TAMM41: variants seen among roughly 807,000 people sequenced by gnomAD.
TAMM41 encodes the protein TAM41 mitochondrial translocator assembly and maintenance homolog.
A neutral mutation model predicts 44.1 loss-of-function variants in TAMM41; 36 were observed. The observed-to-expected ratio is 0.82, with a 90% confidence interval of 0.63 to 1.08. TAMM41 has a LOEUF of 1.08. Among genes scored for constraint, TAMM41 ranks in the 50% least tolerant of loss-of-function variants. The pLI is 0.00. For synonymous variants in TAMM41, 164 were observed against 153.1 expected (o/e 1.07, Z -0.53); for missense variants, 417 against 404.3 (o/e 1.03, Z -0.27).
the TAMM41 span, among the ~76,000 whole-genome samples, chr3:11,780,898 A>C: frequency 2.6e-5 from 4 of 152,196 alleles, no homozygotes; most frequent in African/African-American, 9.7e-5. Flanking sequence ...TGAATGAATG[A>C]ACTTCTGTTC....
the TAMM41 span, among the ~76,000 whole-genome samples, chr3:11,729,008 C>A: frequency 1.0e-3 from 119 of 116,036 alleles, no homozygotes; most frequent in Middle Eastern, 4.5e-3. Context: ...GACTCTGTCT[C>A]AAAAAAAAAA....
At chr3:11,833,053 T>C in intron 3 of TAMM41, 1 of 1,226,738 alleles carries the variant, frequency 8.2e-7, no homozygotes, top group Non-Finnish European at 1.0e-6. Context: ...CTGATCTGGT[T>C]CTTCAATGAA....
At chr3:11,749,566 C>T in the TAMM41 span, among the ~76,000 whole-genome samples, 2 of 152,224 alleles carry the variant, frequency 1.3e-5, no homozygotes, top group Non-Finnish European at 2.9e-5. Context: ...TTTCTGTTCT[C>T]TTTCTTTCCT....
chr3:11,815,083 A>G (rs1445180873), intron 5 of TAMM41, among the ~76,000 whole-genome samples: 6 of 152,236 alleles, frequency 3.9e-5, no homozygotes, highest in African/African-American at 1.4e-4. Context: ...ATATCTAGCC[A>G]ATACTATCTA....
At chr3:11,738,178 C>T in the TAMM41 span, among the ~76,000 whole-genome samples, 1 of 152,086 alleles carries the variant, frequency 6.6e-6, no homozygotes, top group African/African-American at 2.4e-5. Flanking sequence ...CATAGAAAAC[C>T]ATAAATTCCT....
rs760986698 is a variant in TAMM41 at position 11,809,630 on chromosome 3, G to A, written c.761C>T (p.Thr254Ile). ...QFTQLMTLPKTLQQQINHIMD... is the reference protein window; with the variant it reads ...QFTQLMTLPKILQQQINHIMD... ...AATATGATTTATCTGTTGCTGTAAG[G>A]TTTTGGGCAATGTCATCAGCTGAGT... Residue 254 changes from threonine (T) to isoleucine (I), a missense_variant, in exon 6 of 8, where the codon ACC becomes ATC. By Grantham distance (89) the Thr-to-Ile change is moderately conservative. Transcript: ENST00000455809. 4 of 1,613,896 alleles carry A rather than the reference G, an allele frequency of 2.5e-6. No homozygotes were observed. Among genetic ancestry groups the A allele is most frequent in the Non-Finnish European group, 3.4e-6 (4 of 1,179,996 alleles).
chr3:11,837,415 A>G (rs1197060027), intron 3 of TAMM41, among the ~76,000 whole-genome samples: 2 of 152,058 alleles, frequency 1.3e-5, no homozygotes, highest in African/African-American at 2.4e-5. Context: ...GAAAAAAAAA[A>G]AGAAGAAAGA....
chr3:11,807,735 A>G, intron 7 of TAMM41, 98 bp downstream of exon 7: 1 of 1,536,164 alleles, frequency 6.5e-7, no homozygotes, highest in Non-Finnish European at 8.7e-7. Flanking sequence ...TCAGCATTTC[A>G]CAAGCACCTA....
rs749490201 is a variant in TAMM41 at position 11,809,601 on chromosome 3, C to A, written c.790G>T (p.Asp264Tyr). 6 of 1,613,908 alleles carry A rather than the reference C, an allele frequency of 3.7e-6. No individual in the cohort carries two copies. The highest frequency in any genetic ancestry group is 4.2e-6 in the Non-Finnish European group (5 of 1,179,984). The change falls in exon 6 of 8, where the codon GAC becomes TAC. Residue 264 changes from aspartate (D) to tyrosine (Y), a missense_variant. Transcript: ENST00000455809. ...TLQQQINHIM[D>Y]PPGKNRDVEE... ...ACATCTCTGTTTTTTCCAGGAGGGT[C>A]CATAATATGATTTATCTGTTGCTGT...
chr3:11,801,465 C>T (rs1403699911), intron 7 of TAMM41, among the ~76,000 whole-genome samples: 1 of 152,068 alleles, frequency 6.6e-6, no homozygotes, highest in South Asian at 2.1e-4. Flanking sequence ...GCTGGGACTA[C>T]AGGCACATAC....
At chr3:11,787,885 C>G (rs1464943503), downstream of TAMM41, among the ~76,000 whole-genome samples, 3 of 152,212 alleles carry the variant, frequency 2.0e-5, no homozygotes, top group Admixed American at 2.0e-4. Context: ...CCGAAGAGTT[C>G]CACTTCCCTC....
the TAMM41 span, among the ~76,000 whole-genome samples, chr3:11,753,140 G>A: frequency 6.6e-6 from 1 of 151,910 alleles, no homozygotes; most frequent in East Asian, 1.9e-4. Flanking sequence ...AGCACTGGCT[G>A]CCCTGGCCAG....
At chr3:11,723,607 A>AC in the TAMM41 span, among the ~76,000 whole-genome samples, 1 of 151,990 alleles carries the variant, frequency 6.6e-6, no homozygotes, top group Non-Finnish European at 1.5e-5. Flanking sequence ...AAAAACAAAA[A>AC]AAAAACTTAA....
intron 3 of TAMM41, among the ~76,000 whole-genome samples, chr3:11,831,192 C>T (rs1192226628): frequency 6.6e-6 from 1 of 152,152 alleles, no homozygotes; most frequent in African/African-American, 2.4e-5. Context: ...ATTAGCTTCA[C>T]CTGGAGAACT....
chr3:11,744,650 C>A, the TAMM41 span, among the ~76,000 whole-genome samples: 59 of 150,548 alleles, frequency 3.9e-4, no homozygotes, highest in Non-Finnish European at 7.2e-4. Context: ...AGCTGAGATC[C>A]TGCCACTGCA....
chr3:11,839,176 C>T (rs752343526), intron 3 of TAMM41, 46 bp downstream of exon 3: 7 of 1,247,574 alleles, frequency 5.6e-6, no homozygotes, highest in Non-Finnish European at 8.1e-6. Flanking sequence ...AGGTTAGGCT[C>T]AGAGAGGAAA....
chr3:11,764,446 C>T, the TAMM41 span, among the ~76,000 whole-genome samples: 3 of 150,644 alleles, frequency 2.0e-5, no homozygotes, highest in Non-Finnish European at 4.4e-5. Flanking sequence ...CCTGAAGGCC[C>T]AGGGTAACCA....
chr3:11,729,564 T>A, the TAMM41 span, among the ~76,000 whole-genome samples: 1 of 111,118 alleles, frequency 9.0e-6, no homozygotes, highest in Non-Finnish European at 1.8e-5. Context: ...TTTTTTTTTT[T>A]TTTTTTTTTT....
the TAMM41 span, among the ~76,000 whole-genome samples, chr3:11,735,494 T>G: frequency 6.6e-6 from 1 of 151,020 alleles, no homozygotes; most frequent in African/African-American, 2.4e-5. Context: ...ATTAGCCAGG[T>G]GTGGTGGCGG....
Sources: allele counts gnomAD v4.1 joint callset (sites outside exome capture counted in the v4.1 genomes callset), GRCh38; gene constraint gnomAD v4.1.1; transcripts MANE v1.5; gene names NCBI Gene and HGNC (gene_info 2026-07-23, HGNC 2026-07-21).